Variants in ASIC2 observed in about 807,000 individuals in gnomAD.
The protein encoded by ASIC2 is acid sensing ion channel subunit 2.
A neutral mutation model predicts 57.3 loss-of-function variants in ASIC2; 25 were observed. The observed-to-expected ratio is 0.44, with a 90% CI of 0.32 to 0.61. ASIC2 has a LOEUF of 0.61. ASIC2 is among the 20% of genes least tolerant of loss of function. The probability of loss-of-function intolerance (pLI) is 0.06; values close to 1 mark genes in which losing one functional copy is unlikely to be tolerated. For missense variants in ASIC2, 641 were observed against 738.1 expected, an observed-to-expected ratio of 0.87 and a Z score of 1.52; for synonymous variants, 319 against 307.5, an observed-to-expected ratio of 1.04 and a Z score of -0.39.
chr17:33,796,968 G>A (rs148747599), intron 1 of ASIC2, among the ~76,000 whole-genome samples: 20 of 152,168 alleles, frequency 1.3e-4, no homozygotes, highest in African/African-American at 3.9e-4. Context: ...TCTCCCTTAT[G>A]CAAGAACCAT....
At chr17:33,225,492 A>G (rs1907844889) in intron 1 of ASIC2, among the ~76,000 whole-genome samples, 1 of 152,236 alleles carries the variant, frequency 6.6e-6, no homozygotes, top group Admixed American at 6.5e-5. Flanking sequence ...AGTAATTAAC[A>G]ATGCCCCACA....
chr17:33,175,758 C>A (rs1905730728), intron 1 of ASIC2, among the ~76,000 whole-genome samples: 1 of 152,186 alleles, frequency 6.6e-6, no homozygotes, highest in Non-Finnish European at 1.5e-5. Context: ...TCCACTCAGA[C>A]CTTCCCATCT....
chr17:33,149,693 G>GA (rs891845276), intron 1 of ASIC2, among the ~76,000 whole-genome samples: 10 of 150,788 alleles, frequency 6.6e-5, no homozygotes, highest in Non-Finnish European at 1.0e-4. Context: ...CTTAAAAATT[G>GA]AAAAAAAAAT....
intron 1 of ASIC2, among the ~76,000 whole-genome samples, chr17:33,790,030 C>T (rs1031366998): frequency 3.3e-5 from 5 of 152,196 alleles, no homozygotes; most frequent in Admixed American, 6.5e-5. Context: ...AATGATGAGA[C>T]ATGGAAAGTT....
intron 1 of ASIC2, among the ~76,000 whole-genome samples, chr17:34,099,142 G>A (rs377697337): frequency 0.077 from 1,487 of 19,422 alleles, 19 homozygotes; most frequent in Non-Finnish European, 0.11. Context: ...GAGAGAGAGA[G>A]AGACAGAGAG....
intron 1 of ASIC2, among the ~76,000 whole-genome samples, chr17:33,181,700 T>A (rs776300858): frequency 5.9e-5 from 9 of 152,210 alleles, no homozygotes; most frequent in Non-Finnish European, 1.2e-4. Context: ...CATGCTGAGA[T>A]CCTGAACTCA....
intron 1 of ASIC2, among the ~76,000 whole-genome samples, chr17:33,485,682 C>T (rs1913553876): frequency 6.6e-6 from 1 of 152,178 alleles, no homozygotes; most frequent in Non-Finnish European, 1.5e-5. Flanking sequence ...TTGCCTGCCT[C>T]TCAGAGGGCC....
At chr17:33,496,644 G>T (rs867046732) in intron 1 of ASIC2, among the ~76,000 whole-genome samples, 13 of 124,838 alleles carry the variant, frequency 1.0e-4, no homozygotes, top group Middle Eastern at 5.3e-3. Flanking sequence ...TTTAGATGGG[G>T]TCTCACTCTG....
chr17:33,097,430 C>T (rs555551064), intron 2 of ASIC2, among the ~76,000 whole-genome samples: 1 of 152,194 alleles, frequency 6.6e-6, no homozygotes, highest in Admixed American at 6.5e-5. Flanking sequence ...AAAGAACAGA[C>T]CCGGGGCCAT....
At chr17:33,399,565 C>A (rs1910207140) in intron 1 of ASIC2, among the ~76,000 whole-genome samples, 1 of 152,208 alleles carries the variant, frequency 6.6e-6, no homozygotes, top group Non-Finnish European at 1.5e-5. Context: ...GGCCTGTTCC[C>A]CACAGCATGC....
At chr17:33,724,096 A>C (rs12938929) in intron 1 of ASIC2, among the ~76,000 whole-genome samples, 3,618 of 152,158 alleles carry the variant, frequency 0.024, 150 homozygotes, top group African/African-American at 0.082. Context: ...ATGATAGTGA[A>C]TAAGTCTCAC....
At chr17:33,579,303 A>T (rs1567657978) in intron 1 of ASIC2, among the ~76,000 whole-genome samples, 2 of 148,820 alleles carry the variant, frequency 1.3e-5, no homozygotes, top group African/African-American at 4.9e-5. Context: ...AAAAAAAAAA[A>T]ATGCAGGTGG....
intron 1 of ASIC2, chr17:34,146,639 C>G (rs940208147): frequency 5.3e-5 from 8 of 150,954 alleles, no homozygotes; most frequent in African/African-American, 1.2e-4. Context: ...CACTGGCTGC[C>G]CCCAGGTGGT....
chr17:33,363,916 A>G (rs896616071), intron 1 of ASIC2, among the ~76,000 whole-genome samples: 3 of 152,192 alleles, frequency 2.0e-5, no homozygotes, highest in Non-Finnish European at 4.4e-5. Context: ...TACCACCTGC[A>G]GCCAGCCTCC....
intron 1 of ASIC2, among the ~76,000 whole-genome samples, chr17:34,109,956 GAGAGAGAA>G (rs1327619471): frequency 2.0e-5 from 3 of 151,906 alleles, no homozygotes; most frequent in East Asian, 3.9e-4. Flanking sequence ...GTGTGTGTGT[GAGAGAGAA>G]AGAGAGAGAG....
At chr17:33,733,376 C>A (rs971107044) in intron 1 of ASIC2, among the ~76,000 whole-genome samples, 69 of 152,166 alleles carry the variant, frequency 4.5e-4, no homozygotes, top group African/African-American at 1.6e-3. Context: ...GATAACCAAT[C>A]AACCTTGTTT....
chr17:33,070,014 G>A (rs567149626), intron 3 of ASIC2, among the ~76,000 whole-genome samples: 4 of 151,972 alleles, frequency 2.6e-5, no homozygotes, highest in Non-Finnish European at 5.9e-5. Context: ...CCCTTTGTTG[G>A]ATTATAAGCT....
intron 1 of ASIC2, among the ~76,000 whole-genome samples, chr17:33,818,825 C>G (rs1441041880): frequency 6.6e-6 from 1 of 152,158 alleles, no homozygotes; most frequent in East Asian, 1.9e-4. Flanking sequence ...AGCTTCTTTC[C>G]TAGAGCAGCC....
chr17:33,089,405 C>G (rs2092149052), intron 2 of ASIC2, among the ~76,000 whole-genome samples: 2 of 152,186 alleles, frequency 1.3e-5, no homozygotes, highest in African/African-American at 4.8e-5. Flanking sequence ...AATGAATTTT[C>G]CCCTAGAGCT....
Sources: gnomAD v4.1 joint callset for allele counts (sites outside exome capture counted in the v4.1 genomes callset) on GRCh38, gnomAD v4.1.1 for gene constraint, MANE v1.5 for transcripts, NCBI Gene and HGNC (gene_info 2026-07-23, HGNC 2026-07-21) for gene names.